FAM163A: variants seen among roughly 807,000 people sequenced by gnomAD.
FAM163A encodes protein FAM163A.
A neutral mutation model predicts 12.0 loss-of-function variants in FAM163A; 7 were observed. The ratio of observed to expected loss-of-function variants is 0.58; its 90% CI spans 0.33 to 1.10. The LOEUF (loss-of-function observed/expected upper bound fraction) is 1.10. Ranked by LOEUF, FAM163A falls within the 50% of genes least tolerant of loss-of-function variation. The pLI is 0.03. For synonymous variants in FAM163A, 101 were observed against 91.0 expected (o/e 1.11, Z -0.62); for missense variants, 202 against 218.6 (o/e 0.92, Z 0.48).
chr1:179,779,173 T>C (rs1428019994), intron 1 of FAM163A, among the ~76,000 whole-genome samples: 1 of 152,248 alleles, frequency 6.6e-6, no homozygotes, highest in African/African-American at 2.4e-5. Context: ...CCTTACACTT[T>C]TATCTTTACC....
intron 1 of FAM163A, among the ~76,000 whole-genome samples, chr1:179,800,022 C>G (rs1252635859): frequency 6.6e-6 from 1 of 152,182 alleles, no homozygotes; most frequent in African/African-American, 2.4e-5. Context: ...GCAAGGAAGA[C>G]TTCCAATAAA....
intron 1 of FAM163A, among the ~76,000 whole-genome samples, chr1:179,783,988 G>A (rs140565111): frequency 3.0e-4 from 46 of 151,938 alleles, no homozygotes; most frequent in African/African-American, 8.7e-4. Flanking sequence ...CACTGGCCAG[G>A]GGCACATTTG....
At chr1:179,804,632 G>C (rs966171350) in intron 1 of FAM163A, among the ~76,000 whole-genome samples, 2 of 152,174 alleles carry the variant, frequency 1.3e-5, no homozygotes, top group Non-Finnish European at 2.9e-5. Context: ...CCATAAAGAA[G>C]AACAAGATCT....
In FAM163A at chr1:179,813,830, C is replaced by A. The variant is rs767515266; in HGVS notation, c.145C>A (p.Arg49=). The change falls in exon 5 of 5, where the codon CGG becomes AGG. Residue 49 remains arginine, a synonymous_variant. Coordinates refer to ENST00000341785, the MANE Select transcript of FAM163A (RefSeq NM_173509.3). ...GTEVADEEEE[R]EHDLPTHPRG... ...CGAGGTTGCAGACGAGGAGGAGGAG[C>A]GGGAGCACGACCTTCCCACGCATCC... 1.9e-6 allele frequency: 3 copies of A among 1,613,976 alleles called. No individual in the cohort carries two copies. The highest frequency in any genetic ancestry group is 2.2e-5 in the East Asian group (1 of 44,866).
chr1:179,756,923 A>G (rs909694138), intron 1 of FAM163A, among the ~76,000 whole-genome samples: 3 of 152,228 alleles, frequency 2.0e-5, no homozygotes, highest in Non-Finnish European at 2.9e-5. Context: ...CCTTTTTCAG[A>G]AGCAGTTTCA....
chr1:179,751,288 G>A (rs994303984), intron 1 of FAM163A, among the ~76,000 whole-genome samples: 1 of 152,060 alleles, frequency 6.6e-6, no homozygotes, highest in Non-Finnish European at 1.5e-5. Flanking sequence ...GTAGAAGAGG[G>A]TGGTCCTGAA....
intron 1 of FAM163A, among the ~76,000 whole-genome samples, chr1:179,777,667 A>G (rs1368281094): frequency 2.0e-5 from 3 of 152,190 alleles, no homozygotes; most frequent in Non-Finnish European, 4.4e-5. Flanking sequence ...CCCCTGGGAG[A>G]TACAGTAAGA....
At chr1:179,736,181 G>A in the FAM163A span, among the ~76,000 whole-genome samples, 1 of 152,178 alleles carries the variant, frequency 6.6e-6, no homozygotes, top group Non-Finnish European at 1.5e-5. Context: ...CAGACAAGTA[G>A]GACTACATTA....
chr1:179,734,032 G>A, the FAM163A span, among the ~76,000 whole-genome samples: 1 of 152,124 alleles, frequency 6.6e-6, no homozygotes, highest in African/African-American at 2.4e-5. Context: ...CACCCCAATA[G>A]TGTCTGGAGC....
At chr1:179,775,576 C>G (rs1688842722) in intron 1 of FAM163A, among the ~76,000 whole-genome samples, 1 of 152,206 alleles carries the variant, frequency 6.6e-6, no homozygotes, top group African/African-American at 2.4e-5. Flanking sequence ...GCCCAGCACA[C>G]TTATAATTGT....
the FAM163A span, among the ~76,000 whole-genome samples, chr1:179,737,468 G>C: frequency 1.3e-5 from 2 of 152,176 alleles, no homozygotes; most frequent in African/African-American, 4.8e-5. Flanking sequence ...ATGCTGGACT[G>C]TGCACTTAGA....
chr1:179,733,351 T>G, the FAM163A span, among the ~76,000 whole-genome samples: 1 of 152,230 alleles, frequency 6.6e-6, no homozygotes, highest in African/African-American at 2.4e-5. Context: ...TGCAGTATGA[T>G]TATTTGAAAT....
intron 1 of FAM163A, among the ~76,000 whole-genome samples, chr1:179,744,678 C>T (rs1684196112): frequency 6.6e-6 from 1 of 152,166 alleles, no homozygotes; most frequent in African/African-American, 2.4e-5. Context: ...GTCATCCAAC[C>T]TGCAGGCGGA....
intron 1 of FAM163A, among the ~76,000 whole-genome samples, chr1:179,768,805 C>T (rs1687865104): frequency 6.6e-6 from 1 of 152,098 alleles, no homozygotes; most frequent in Non-Finnish European, 1.5e-5. Flanking sequence ...GGGGTTTCAC[C>T]ATGTTGGCCA....
At chr1:179,764,939 A>G (rs1201222683) in intron 1 of FAM163A, among the ~76,000 whole-genome samples, 1 of 152,232 alleles carries the variant, frequency 6.6e-6, no homozygotes, top group African/African-American at 2.4e-5. Context: ...CCTGTCTTAT[A>G]AGAAGAGCTC....
intron 1 of FAM163A, among the ~76,000 whole-genome samples, chr1:179,785,949 A>G (rs985580300): frequency 2.0e-5 from 3 of 152,196 alleles, no homozygotes; most frequent in Admixed American, 2.0e-4. Flanking sequence ...ATCTCTTCAC[A>G]TAACCATAAT....
chr1:179,813,225 G>A, intron 4 of FAM163A, 35 bp downstream of exon 4: 2 of 1,541,974 alleles, frequency 1.3e-6, no homozygotes, highest in South Asian at 1.2e-5. Flanking sequence ...GAGGCTGCCA[G>A]GCCACCAGCA....
At chr1:179,760,553 C>G (rs946850024) in intron 1 of FAM163A, among the ~76,000 whole-genome samples, 3 of 152,132 alleles carry the variant, frequency 2.0e-5, no homozygotes, top group African/African-American at 7.2e-5. Flanking sequence ...CCAGCACAAC[C>G]CAGTAAAGAT....
At chr1:179,790,455 A>C (rs1399217398) in intron 1 of FAM163A, among the ~76,000 whole-genome samples, 1 of 152,102 alleles carries the variant, frequency 6.6e-6, no homozygotes, top group Non-Finnish European at 1.5e-5. Context: ...GGTCTGGCTG[A>C]CAGTCTCTAG....
Sources: allele counts gnomAD v4.1 joint callset (sites outside exome capture counted in the v4.1 genomes callset), GRCh38; gene constraint gnomAD v4.1.1; transcripts MANE v1.5; gene names NCBI Gene and HGNC (gene_info 2026-07-23, HGNC 2026-07-21).